Variants in HCN1 observed in about 807,000 individuals in gnomAD.
The protein encoded by HCN1 is potassium/sodium hyperpolarization-activated cyclic nucleotide-gated channel 1.
HCN1 carries 13 observed loss-of-function variants against 78.9 expected under a neutral mutation model. The observed-to-expected ratio is 0.16, with a 90% CI of 0.11 to 0.26. The LOEUF is 0.26. Among genes scored for constraint, HCN1 ranks in the 10% least tolerant of loss-of-function variants. The pLI is 1.00. For missense variants in HCN1, 810 were observed against 1,154.3 expected (o/e 0.70, Z 4.32); for synonymous variants, 552 against 455.5 (o/e 1.21, Z -2.70).
At chr5:45,392,202 C>T (rs1025609631) in intron 4 of HCN1, among the ~76,000 whole-genome samples, 1 of 152,000 alleles carries the variant, frequency 6.6e-6, no homozygotes, top group Non-Finnish European at 1.5e-5. Context: ...TGGTCCCTCA[C>T]CTTTTGTGTC....
intron 1 of HCN1, among the ~76,000 whole-genome samples, chr5:45,649,583 T>G (rs1398470971): frequency 1.3e-5 from 2 of 150,118 alleles, no homozygotes; most frequent in Admixed American, 1.3e-4. Flanking sequence ...ATTTGTTAGT[T>G]TTTTTTTTTA....
intron 4 of HCN1, among the ~76,000 whole-genome samples, chr5:45,377,263 T>G (rs1561133005): frequency 6.6e-6 from 1 of 151,988 alleles, no homozygotes; most frequent in Admixed American, 6.6e-5. Flanking sequence ...TCAATGCAGA[T>G]GTAAAAAATA....
At chr5:45,534,500 T>C (rs750895871) in intron 2 of HCN1, among the ~76,000 whole-genome samples, 13 of 147,494 alleles carry the variant, frequency 8.8e-5, no homozygotes, top group Admixed American at 2.8e-4. Context: ...CCTGAAAATT[T>C]AGAGCAATCC....
chr5:45,468,971 C>G (rs1172853915), intron 2 of HCN1, among the ~76,000 whole-genome samples: 1 of 151,868 alleles, frequency 6.6e-6, no homozygotes. Flanking sequence ...TAATTTTATT[C>G]ATTTTTCTTC....
At chr5:45,606,231 G>GATTTTTGT (rs1489068614) in intron 2 of HCN1, among the ~76,000 whole-genome samples, 1 of 151,896 alleles carries the variant, frequency 6.6e-6, no homozygotes, top group African/African-American at 2.4e-5. Context: ...AAGAACAAAC[G>GATTTTTGT]ATTTTTGTTT....
At chr5:45,617,124 A>G (rs573619152) in intron 2 of HCN1, among the ~76,000 whole-genome samples, 2 of 152,198 alleles carry the variant, frequency 1.3e-5, no homozygotes, top group Non-Finnish European at 2.9e-5. Context: ...CGGCTGCCAT[A>G]TAAGTTAAGA....
chr5:45,598,070 A>G (rs1744543018), intron 2 of HCN1, among the ~76,000 whole-genome samples: 1 of 152,204 alleles, frequency 6.6e-6, no homozygotes, highest in Non-Finnish European at 1.5e-5. Flanking sequence ...AACTACTTTA[A>G]AGCTCATATG....
chr5:45,265,793 G>A (rs1024218774), intron 7 of HCN1, among the ~76,000 whole-genome samples: 1 of 152,032 alleles, frequency 6.6e-6, no homozygotes, highest in African/African-American at 2.4e-5. Flanking sequence ...TTGTATACTA[G>A]GTACTGTGAA....
intron 2 of HCN1, chr5:45,642,671 AG>A (rs772394615): frequency 8.5e-5 from 13 of 152,160 alleles, no homozygotes; most frequent in Admixed American, 5.9e-4. Flanking sequence ...TTATTGCAAA[AG>A]CTCACAGAGC....
At chr5:45,533,916 G>C (rs959932828) in intron 2 of HCN1, among the ~76,000 whole-genome samples, 1 of 152,156 alleles carries the variant, frequency 6.6e-6, no homozygotes, top group Non-Finnish European at 1.5e-5. Context: ...CTGTGGGCTC[G>C]AAGCCATCTG....
chr5:45,670,472 G>GT (rs1156614854), intron 1 of HCN1, among the ~76,000 whole-genome samples: 1 of 151,642 alleles, frequency 6.6e-6, no homozygotes, highest in African/African-American at 2.4e-5. Flanking sequence ...CTTAAGGGAT[G>GT]TAGGCATTTT....
chr5:45,379,399 T>C (rs1460181722), intron 4 of HCN1, among the ~76,000 whole-genome samples: 1 of 152,130 alleles, frequency 6.6e-6, no homozygotes, highest in Non-Finnish European at 1.5e-5. Context: ...AGAAATATGG[T>C]ATCTAAGAAG....
chr5:45,295,739 T>G (rs1341051960), intron 6 of HCN1, among the ~76,000 whole-genome samples: 1 of 151,908 alleles, frequency 6.6e-6, no homozygotes, highest in Non-Finnish European at 1.5e-5. Flanking sequence ...ATTAGAAGAG[T>G]GAAAAGAGCA....
Position 45,561,657 on chromosome 5 carries a change from C to T in HCN1, c.849+83528G>A, listed in dbSNP as rs184261020. Among the ~76,000 whole-genome samples, 223 of 150,670 alleles carry T rather than the reference C, an allele frequency of 1.5e-3. 1 individual carries two copies. Among genetic ancestry groups the T allele is most frequent in the Admixed American group, 3.1e-3 (47 of 15,148 alleles). On this transcript the variant is annotated intron_variant, in intron 2 of 7. Transcript: ENST00000303230. ...TGTTATTTATGAGCCCCTTGAATTA[C>T]GCTTGAGTTTATGCTAAGGAGATAT...
intron 2 of HCN1, among the ~76,000 whole-genome samples, chr5:45,484,077 C>T (rs1741711012): frequency 6.6e-6 from 1 of 152,000 alleles, no homozygotes; most frequent in Non-Finnish European, 1.5e-5. Flanking sequence ...GTTCTTTCTG[C>T]TTAGGGTAGT....
At chr5:45,552,459 G>A (rs1431976212) in intron 2 of HCN1, among the ~76,000 whole-genome samples, 1 of 151,880 alleles carries the variant, frequency 6.6e-6, no homozygotes, top group Non-Finnish European at 1.5e-5. Context: ...AACTTATCAT[G>A]TCCACATATT....
intron 2 of HCN1, among the ~76,000 whole-genome samples, chr5:45,585,381 G>T (rs1744191015): frequency 6.6e-6 from 1 of 152,072 alleles, no homozygotes; most frequent in African/African-American, 2.4e-5. Flanking sequence ...AGCTCCATCA[G>T]GTCCTTTAAG....
At chr5:45,671,953 C>G (rs1328358383) in intron 1 of HCN1, among the ~76,000 whole-genome samples, 1 of 151,406 alleles carries the variant, frequency 6.6e-6, no homozygotes, top group Non-Finnish European at 1.5e-5. Context: ...ATATTTACGC[C>G]AAGAAAAGTA....
chr5:45,559,142 T>G (rs1015710958), intron 2 of HCN1: 1 of 151,726 alleles, frequency 6.6e-6, no homozygotes, highest in African/African-American at 2.4e-5. Flanking sequence ...AAAAAAAGAT[T>G]CCCTAACACG....
Sources: allele counts gnomAD v4.1 joint callset (sites outside exome capture counted in the v4.1 genomes callset), GRCh38; gene constraint gnomAD v4.1.1; transcripts MANE v1.5; gene names NCBI Gene and HGNC (gene_info 2026-07-23, HGNC 2026-07-21).